Variants in SERGEF observed in about 807,000 individuals in gnomAD.
SERGEF encodes the protein secretion-regulating guanine nucleotide exchange factor.
Under a neutral mutation model 50.0 loss-of-function variants are expected in SERGEF, and 51 were observed. The observed-to-expected ratio is 1.02, with a 90% CI of 0.81 to 1.29. The LOEUF (loss-of-function observed/expected upper bound fraction) is 1.29. SERGEF is among the 50% of genes most tolerant of loss of function. SERGEF has a pLI of 0.00. For missense variants in SERGEF, 521 were observed against 557.0 expected, an observed-to-expected ratio of 0.94 and a Z score of 0.65; for synonymous variants, 205 against 212.4, an observed-to-expected ratio of 0.97 and a Z score of 0.30.
intron 10 of SERGEF, among the ~76,000 whole-genome samples, chr11:17,796,583 GC>G (rs2133821963): frequency 6.6e-6 from 1 of 152,274 alleles, no homozygotes; most frequent in South Asian, 2.1e-4. Flanking sequence ...CCCAGATGTG[GC>G]CCTGTGATCT....
intron 9 of SERGEF, among the ~76,000 whole-genome samples, chr11:17,945,123 T>C (rs1048639553): frequency 6.6e-6 from 1 of 152,278 alleles, no homozygotes; most frequent in Non-Finnish European, 1.5e-5. Context: ...TCTCAGCTGC[T>C]AGGAGTATAT....
intron 10 of SERGEF, among the ~76,000 whole-genome samples, chr11:17,819,030 T>C (rs1342317837): frequency 6.6e-6 from 1 of 152,260 alleles, no homozygotes; most frequent in African/African-American, 2.4e-5. Context: ...GCTTCTGCAA[T>C]AGCTCTGTAA....
intron 10 of SERGEF, among the ~76,000 whole-genome samples, chr11:17,830,210 C>A (rs993935478): frequency 6.6e-6 from 1 of 152,244 alleles, no homozygotes; most frequent in African/African-American, 2.4e-5. Flanking sequence ...TATTTATATT[C>A]TCAGCCTGGC....
rs561248723 is a variant in SERGEF at position 17,976,150 on chromosome 11, G to T, written c.844+12447C>A. ...ACACCTAGCTCTTCAGGGTTCTTTT[G>T]GCCACATTAAGCTTCCTCCTGAGGT... On this transcript the variant is annotated intron_variant, in intron 8 of 10. Transcript: ENST00000265965. Among the ~76,000 whole-genome samples, 600 of 152,180 alleles carry T rather than the reference G, an allele frequency of 3.9e-3. 1 individual carries two copies. Among genetic ancestry groups the T allele is most frequent in the Middle Eastern group, 6.8e-3 (2 of 294 alleles).
intron 8 of SERGEF, among the ~76,000 whole-genome samples, chr11:17,960,614 T>G (rs1852978135): frequency 1.3e-5 from 2 of 152,222 alleles, no homozygotes; most frequent in Admixed American, 1.3e-4. Context: ...AATCTACTAC[T>G]GCATACTTTG....
At chr11:17,916,823 T>C (rs931919832) in intron 9 of SERGEF, among the ~76,000 whole-genome samples, 7 of 152,206 alleles carry the variant, frequency 4.6e-5, no homozygotes, top group Non-Finnish European at 8.8e-5. Flanking sequence ...CATTTATCTG[T>C]TTTTTCTTAT....
chr11:17,805,143 T>A (rs1849734471), intron 10 of SERGEF, among the ~76,000 whole-genome samples: 1 of 152,230 alleles, frequency 6.6e-6, no homozygotes, highest in African/African-American at 2.4e-5. Context: ...AAATTTTCCC[T>A]TCCTAACAGC....
intron 10 of SERGEF, among the ~76,000 whole-genome samples, chr11:17,873,282 T>C (rs561938725): frequency 6.6e-5 from 10 of 152,194 alleles, no homozygotes; most frequent in African/African-American, 2.4e-4. Context: ...ACCTAGAAGA[T>C]GGGATTAACC....
chr11:17,802,581 C>T (rs1849690909), intron 10 of SERGEF, among the ~76,000 whole-genome samples: 1 of 152,212 alleles, frequency 6.6e-6, no homozygotes, highest in African/African-American at 2.4e-5. Flanking sequence ...CTCTCTGATA[C>T]CCACTGCTGC....
chr11:17,930,230 C>A (rs940317907), intron 9 of SERGEF, among the ~76,000 whole-genome samples: 1 of 152,194 alleles, frequency 6.6e-6, no homozygotes. Flanking sequence ...GGTAAAGTAA[C>A]TGGCACAAAA....
At chr11:17,799,281 C>G (rs576312842) in intron 10 of SERGEF, among the ~76,000 whole-genome samples, 1 of 152,272 alleles carries the variant, frequency 6.6e-6, no homozygotes, top group Admixed American at 6.5e-5. Context: ...GCCACATTCG[C>G]TGCTTTGGAG....
At chr11:17,925,973 T>C (rs1270453700) in intron 9 of SERGEF, among the ~76,000 whole-genome samples, 1 of 152,164 alleles carries the variant, frequency 6.6e-6, no homozygotes, top group Admixed American at 6.5e-5. Flanking sequence ...GGAAACAATA[T>C]ATTTTGAAAA....
intron 9 of SERGEF, among the ~76,000 whole-genome samples, chr11:17,882,418 CAAAAAAAAAA>C (rs770460948): frequency 1.5e-5 from 1 of 68,198 alleles, no homozygotes; most frequent in Non-Finnish European, 3.0e-5. Context: ...GAGTCAGTCT[CAAAAAAAAAA>C]AAAAAAAAGA....
At chr11:18,010,218 C>G in intron 1 of SERGEF, 1 of 536,126 alleles carries the variant, frequency 1.9e-6, no homozygotes, top group South Asian at 2.3e-5. Context: ...CATAATCCTT[C>G]CCCTTGTAGT....
chr11:17,798,388 T>A (rs751516816), intron 10 of SERGEF, among the ~76,000 whole-genome samples: 2 of 152,172 alleles, frequency 1.3e-5, no homozygotes, highest in Non-Finnish European at 2.9e-5. Flanking sequence ...ACGTATTGGA[T>A]CAACACTGCA....
Position 17,888,952 on chromosome 11 carries a change from T to C in SERGEF, c.1012-10708A>G, listed in dbSNP as rs1234514579. On this transcript the variant is annotated intron_variant, in intron 9 of 10. Coordinates refer to ENST00000265965, the MANE Select transcript of SERGEF (RefSeq NM_012139.4). The surrounding 1 kb of genome is among the most constrained non-coding windows in gnomAD (Gnocchi z 4.1). ...CCTGAAACAGCTCCCACTAGCTAAA[T>C]CAGGGAGAACTTGAGCTCCAAAATG... is the stretch of plus-strand genomic sequence containing the variant. Among the ~76,000 whole-genome samples, 2 of 152,122 alleles carry C rather than the reference T, an allele frequency of 1.3e-5. No individual in the cohort carries two copies. Among genetic ancestry groups the C allele is most frequent in the Admixed American group, 1.3e-4 (2 of 15,272 alleles).
chr11:17,917,177 C>CA (rs1403206364), intron 9 of SERGEF, among the ~76,000 whole-genome samples: 1 of 152,204 alleles, frequency 6.6e-6, no homozygotes, highest in Non-Finnish European at 1.5e-5. Flanking sequence ...AAATGCCCAT[C>CA]AATCAACTAG....
intron 1 of SERGEF, among the ~76,000 whole-genome samples, chr11:18,011,137 TACAC>T (rs57370560): frequency 1.9e-3 from 279 of 147,704 alleles, no homozygotes; most frequent in South Asian, 7.4e-3. Context: ...CATGCACACA[TACAC>T]ACACACACAC....
intron 10 of SERGEF, among the ~76,000 whole-genome samples, chr11:17,818,446 A>G (rs1037421039): frequency 1.3e-5 from 2 of 152,208 alleles, no homozygotes; most frequent in African/African-American, 2.4e-5. Flanking sequence ...CCTTATTTAT[A>G]TTCCACAAAA....
Sources: allele counts gnomAD v4.1 joint callset (sites outside exome capture counted in the v4.1 genomes callset), GRCh38; gene constraint gnomAD v4.1.1; non-coding constraint Gnocchi (gnomAD v3.1); transcripts MANE v1.5; gene names NCBI Gene and HGNC (gene_info 2026-07-23, HGNC 2026-07-21).